The following ZNF804A variants were observed in gnomAD, a reference collection of about 807,000 sequenced individuals.
ZNF804A encodes zinc finger protein 804A.
ZNF804A carries 2 observed loss-of-function variants against 16.5 expected under a neutral mutation model. The observed-to-expected ratio is 0.12, with a 90% confidence interval of 0.05 to 0.38. The LOEUF (loss-of-function observed/expected upper bound fraction) is 0.38. Among genes scored for constraint, ZNF804A ranks in the 10% least tolerant of loss-of-function variants. The probability of loss-of-function intolerance (pLI) is 0.99; values close to 1 mark genes in which losing one functional copy is unlikely to be tolerated. For missense variants in ZNF804A, 1,473 were observed against 1,390.7 expected (o/e 1.06, Z -0.94); for synonymous variants, 534 against 489.6 (o/e 1.09, Z -1.20).
chr2:184,721,959 A>T (rs2105742776), intron 1 of ZNF804A, among the ~76,000 whole-genome samples: 1 of 152,162 alleles, frequency 6.6e-6, no homozygotes, highest in South Asian at 2.1e-4. Context: ...GGAGGGCATT[A>T]TGTTAGGTGA....
intron 1 of ZNF804A, among the ~76,000 whole-genome samples, chr2:184,600,700 GA>G (rs148323086): frequency 2.0e-5 from 3 of 151,178 alleles, no homozygotes; most frequent in Admixed American, 6.6e-5. Flanking sequence ...GGGGTTTATA[GA>G]AAAAAAAAGT....
chr2:184,767,866 T>G (rs943478523), intron 1 of ZNF804A, among the ~76,000 whole-genome samples: 1 of 152,112 alleles, frequency 6.6e-6, no homozygotes, highest in Non-Finnish European at 1.5e-5. Flanking sequence ...AAGGCAGGCA[T>G]CAGTGAATCC....
intron 1 of ZNF804A, among the ~76,000 whole-genome samples, chr2:184,743,442 G>A (rs1401639830): frequency 6.6e-6 from 1 of 151,764 alleles, no homozygotes; most frequent in African/African-American, 2.4e-5. Flanking sequence ...ATTTCCATTT[G>A]GGGAGCTTTC....
At chr2:184,694,653 T>A (rs1049330998) in intron 1 of ZNF804A, among the ~76,000 whole-genome samples, 4 of 152,206 alleles carry the variant, frequency 2.6e-5, no homozygotes, top group Non-Finnish European at 5.9e-5. Flanking sequence ...CAAGAATTCT[T>A]CTCAGAAATA....
chr2:184,883,703 C>A (rs1000174351), intron 2 of ZNF804A, among the ~76,000 whole-genome samples: 3 of 151,936 alleles, frequency 2.0e-5, no homozygotes, highest in Non-Finnish European at 2.9e-5. Flanking sequence ...TAAAAAAACA[C>A]ATGATCATCT....
In ZNF804A at chr2:184,926,590, C is replaced by A. The variant is rs1007659564; in HGVS notation, c.256-7013C>A. Among the ~76,000 whole-genome samples the A allele has an allele frequency of 2.0e-4, 30 of 151,818 alleles. 1 individual carries two copies. Among genetic ancestry groups the A allele is most frequent in the African/African-American group, 7.3e-4 (30 of 41,348 alleles). ...ACTTTTATTATCCCTTTGGATAAAC[C>A]TTGTATCCCCATCTCTTGCTTAAGA... On this transcript the variant is annotated intron_variant, in intron 2 of 3. Transcript: ENST00000302277.
chr2:184,603,605 G>T (rs190517846), intron 1 of ZNF804A, among the ~76,000 whole-genome samples: 1 of 152,290 alleles, frequency 6.6e-6, no homozygotes, highest in Admixed American at 6.5e-5. Flanking sequence ...GAGTGTGCAT[G>T]TAAGACTAAA....
chr2:184,714,764 A>G (rs551761999), intron 1 of ZNF804A, among the ~76,000 whole-genome samples: 4 of 152,186 alleles, frequency 2.6e-5, no homozygotes, highest in Admixed American at 6.6e-5. Flanking sequence ...ACTATGTGCC[A>G]TATACCAACA....
intron 1 of ZNF804A, among the ~76,000 whole-genome samples, chr2:184,741,258 G>A (rs1334971556): frequency 1.3e-5 from 2 of 152,056 alleles, no homozygotes; most frequent in Non-Finnish European, 2.9e-5. Flanking sequence ...AGCTGTATGG[G>A]GCAGAGTTTA....
At chr2:184,728,392 A>G (rs1359470337) in intron 1 of ZNF804A, among the ~76,000 whole-genome samples, 1 of 151,932 alleles carries the variant, frequency 6.6e-6, no homozygotes, top group Non-Finnish European at 1.5e-5. Flanking sequence ...ACAATGAGTA[A>G]GAAAACTCAG....
In ZNF804A at chr2:184,936,764, C is replaced by G. The variant is rs868570360; in HGVS notation, c.1368C>G (p.Ser456Arg). 6.2e-7 allele frequency: 1 copy of G among 1,613,870 alleles called. No homozygotes were observed. Among genetic ancestry groups the G allele is most frequent in the Non-Finnish European group, 8.5e-7 (1 of 1,179,894 alleles). ...YTTTKPSISY[S>R]CNPLCFDFKS... ...CTACGAAACCATCAATTTCCTATAG[C>G]TGTAATCCTCTATGTTTTGACTTCA... Residue 456 changes from serine (S) to arginine (R), a missense_variant, in exon 4 of 4, where the codon AGC becomes AGG. By Grantham distance (110) the Ser-to-Arg change is moderately radical (BLOSUM62 -1). Coordinates refer to ENST00000302277, the MANE Select transcript of ZNF804A (RefSeq NM_194250.2).
At chr2:184,915,271 A>G (rs1041606161) in intron 2 of ZNF804A, among the ~76,000 whole-genome samples, 2 of 152,240 alleles carry the variant, frequency 1.3e-5, no homozygotes, top group Admixed American at 1.3e-4. Context: ...AAATATTTGC[A>G]TTTAAAAAAT....
intron 1 of ZNF804A, among the ~76,000 whole-genome samples, chr2:184,633,303 T>A (rs1438967764): frequency 6.6e-6 from 1 of 152,212 alleles, no homozygotes; most frequent in Non-Finnish European, 1.5e-5. Flanking sequence ...GGGAATAGAA[T>A]GTCAGTTCTT....
At chr2:184,764,526 A>G (rs1317881393) in intron 1 of ZNF804A, among the ~76,000 whole-genome samples, 1 of 152,152 alleles carries the variant, frequency 6.6e-6, no homozygotes, top group Non-Finnish European at 1.5e-5. Context: ...TTGTCCATCA[A>G]CTGGGCAGTG....
rs1456161889 is a variant in ZNF804A, at chr2:184,938,267, T to G, written c.2871T>G (p.Ile957Met). Residue 957 changes from isoleucine to methionine, a missense_variant, in exon 4 of 4, where the codon ATT (isoleucine) becomes ATG (methionine). Ile to Met is a conservative substitution (Grantham distance 10, BLOSUM62 1). Transcript: ENST00000302277. ...EKQIPFQVPN[I>M]ERNFRQSQPK... ...AAATTCCTTTTCAGGTGCCTAATAT[T>G]GAAAGGAACTTTAGACAGTCACAGC... 1 of 1,613,960 alleles carries G rather than the reference T, an allele frequency of 6.2e-7. No homozygotes were observed. Among genetic ancestry groups the G allele is most frequent in the Non-Finnish European group, 8.5e-7 (1 of 1,180,012 alleles).
At chr2:184,820,951 T>G (rs1165237573) in intron 1 of ZNF804A, among the ~76,000 whole-genome samples, 2 of 152,120 alleles carry the variant, frequency 1.3e-5, no homozygotes, top group African/African-American at 4.8e-5. Context: ...TCGATGCTCA[T>G]GGATAGGAAG....
intron 2 of ZNF804A, among the ~76,000 whole-genome samples, chr2:184,906,118 A>G (rs2105829545): frequency 6.6e-6 from 1 of 152,256 alleles, no homozygotes; most frequent in East Asian, 1.9e-4. Context: ...GAGATATTTG[A>G]TGTTATCAGA....
chr2:184,662,130 CT>C (rs1262657916), intron 1 of ZNF804A, among the ~76,000 whole-genome samples: 1 of 152,094 alleles, frequency 6.6e-6, no homozygotes, highest in East Asian at 1.9e-4. Context: ...TTTTAAATGG[CT>C]TACCAAAAAT....
At chr2:184,747,788 C>T (rs1693813238) in intron 1 of ZNF804A, among the ~76,000 whole-genome samples, 1 of 150,848 alleles carries the variant, frequency 6.6e-6, no homozygotes, top group Admixed American at 6.6e-5. Context: ...TAGGTAGTTT[C>T]TCTGTGAACT....
Sources: gnomAD v4.1 joint callset for allele counts (sites outside exome capture counted in the v4.1 genomes callset) on GRCh38, gnomAD v4.1.1 for gene constraint, MANE v1.5 for transcripts, NCBI Gene and HGNC (gene_info 2026-07-23, HGNC 2026-07-21) for gene names.